ABTB2: variants seen among roughly 807,000 people sequenced by gnomAD.
ABTB2 encodes ankyrin repeat and BTB domain containing 2.
A neutral mutation model predicts 104.1 loss-of-function variants in ABTB2; 56 were observed. The ratio of observed to expected loss-of-function variants is 0.54; its 90% CI spans 0.43 to 0.67. ABTB2 has a LOEUF of 0.67. ABTB2 is among the 30% of genes least tolerant of loss of function. ABTB2 has a pLI of 0.00. For synonymous variants in ABTB2, 606 were observed against 608.2 expected, an observed-to-expected ratio of 1.00 and a Z score of 0.05; for missense variants, 1,279 against 1,407.7, an observed-to-expected ratio of 0.91 and a Z score of 1.46.
At chr11:34,354,271 A>T (rs1217685772) in intron 1 of ABTB2, among the ~76,000 whole-genome samples, 1 of 151,992 alleles carries the variant, frequency 6.6e-6, no homozygotes, top group Non-Finnish European at 1.5e-5. Flanking sequence ...TCTCTTGACT[A>T]CCCAGGATTA....
chr11:34,290,610 G>T (rs1332468677), intron 1 of ABTB2, among the ~76,000 whole-genome samples: 1 of 152,216 alleles, frequency 6.6e-6, no homozygotes, highest in Non-Finnish European at 1.5e-5. Context: ...AGGAAGCTGA[G>T]GTGGGAGGAT....
At chr11:34,261,139 A>C (rs940235359) in intron 1 of ABTB2, among the ~76,000 whole-genome samples, 22 of 151,852 alleles carry the variant, frequency 1.4e-4, no homozygotes, top group African/African-American at 4.1e-4. Flanking sequence ...TGCCCCCCCC[A>C]AAAAAAGACA....
chr11:34,167,592 G>A (rs1381743595), intron 6 of ABTB2, among the ~76,000 whole-genome samples: 2 of 152,214 alleles, frequency 1.3e-5, no homozygotes, highest in East Asian at 1.9e-4. Context: ...GGGAGGCAGA[G>A]CTAGAAGTAT....
intron 1 of ABTB2, among the ~76,000 whole-genome samples, chr11:34,205,648 C>T (rs758130305): frequency 6.6e-6 from 1 of 151,568 alleles, no homozygotes; most frequent in Non-Finnish European, 1.5e-5. Context: ...GGAATTTAAT[C>T]ACTTTGGAGA....
chr11:34,228,412 C>T (rs1349009951), intron 1 of ABTB2, among the ~76,000 whole-genome samples: 2 of 151,188 alleles, frequency 1.3e-5, no homozygotes, highest in African/African-American at 2.4e-5. Flanking sequence ...GTTGCCCAGG[C>T]TGGAGTGCAG....
chr11:34,262,684 A>G (rs762369287), intron 1 of ABTB2, among the ~76,000 whole-genome samples: 2 of 152,154 alleles, frequency 1.3e-5, no homozygotes, highest in Non-Finnish European at 2.9e-5. Context: ...CTTTGTTTAG[A>G]GCATTGTCCT....
intron 1 of ABTB2, among the ~76,000 whole-genome samples, chr11:34,222,358 C>T (rs1477634482): frequency 1.3e-5 from 2 of 152,142 alleles, no homozygotes; most frequent in African/African-American, 4.8e-5. Flanking sequence ...GCATGTCCAA[C>T]CCCACTTCCA....
intron 1 of ABTB2, among the ~76,000 whole-genome samples, chr11:34,259,281 G>A (rs967951995): frequency 2.0e-5 from 3 of 152,204 alleles, no homozygotes; most frequent in African/African-American, 7.2e-5. Flanking sequence ...AAGTCTGAAC[G>A]AGGCCTGGCA....
At chr11:34,287,492 T>C (rs1479978278) in intron 1 of ABTB2, among the ~76,000 whole-genome samples, 1 of 152,176 alleles carries the variant, frequency 6.6e-6, no homozygotes. Context: ...GAGGCTGTAG[T>C]GAGCTAAGAG....
chr11:34,240,304 C>T (rs1047084059), intron 1 of ABTB2, among the ~76,000 whole-genome samples: 1 of 152,180 alleles, frequency 6.6e-6, no homozygotes, highest in South Asian at 2.1e-4. Flanking sequence ...TGAAGCCAAG[C>T]GGCCAGCAGG....
chr11:34,286,171 T>C (rs971654776), intron 1 of ABTB2, among the ~76,000 whole-genome samples: 1 of 150,832 alleles, frequency 6.6e-6, no homozygotes, highest in Non-Finnish European at 1.5e-5. Flanking sequence ...TAAAGAAAAA[T>C]TTTAGGCTGG....
chr11:34,227,459 T>C (rs906528322), intron 1 of ABTB2, among the ~76,000 whole-genome samples: 3 of 152,194 alleles, frequency 2.0e-5, no homozygotes, highest in African/African-American at 4.8e-5. Flanking sequence ...GTCTGGCTTC[T>C]TTTATGTGGC....
intron 1 of ABTB2, among the ~76,000 whole-genome samples, chr11:34,218,861 A>G (rs1853580530): frequency 6.6e-6 from 1 of 151,472 alleles, no homozygotes; most frequent in African/African-American, 2.4e-5. Context: ...AAAAAAAAAA[A>G]AAAAAAAAAA....
intron 1 of ABTB2, among the ~76,000 whole-genome samples, chr11:34,336,856 A>C (rs1437383944): frequency 6.6e-6 from 1 of 151,916 alleles, no homozygotes; most frequent in East Asian, 1.9e-4. Context: ...CATACGGGAG[A>C]CTCACACACC....
At chr11:34,300,382 G>C (rs1590247256) in intron 1 of ABTB2, among the ~76,000 whole-genome samples, 1 of 152,188 alleles carries the variant, frequency 6.6e-6, no homozygotes, top group East Asian at 1.9e-4. Context: ...TTGTTAGGCT[G>C]GCTGCTCCAC....
At chr11:34,328,282 G>T (rs928751335) in intron 1 of ABTB2, among the ~76,000 whole-genome samples, 13 of 152,182 alleles carry the variant, frequency 8.5e-5, no homozygotes, top group African/African-American at 3.1e-4. Flanking sequence ...TATCAAGGGA[G>T]TACTTGCTTT....
rs116626989 is a variant in ABTB2, at chr11:34,289,877, C to A, written c.883+66824G>T. 3.4e-3 allele frequency among the ~76,000 whole-genome samples: 518 copies of A among 152,304 alleles called. 3 individuals are homozygous for A. Among genetic ancestry groups the A allele is most frequent in the African/African-American group, 0.011 (468 of 41,566 alleles). On this transcript the variant is annotated intron_variant, in intron 1 of 16. Transcript: ENST00000435224. ...TCCCAGAAACAACCAGCTCCTGGGA[C>A]TAATCAGATGTGTGTTGGTTGACCC...
intron 1 of ABTB2, among the ~76,000 whole-genome samples, chr11:34,253,638 T>C (rs893053907): frequency 6.6e-6 from 1 of 150,484 alleles, no homozygotes. Flanking sequence ...AACGTGCCAC[T>C]GCACTCCAGT....
chr11:34,255,737 G>A (rs1854113940), intron 1 of ABTB2, among the ~76,000 whole-genome samples: 2 of 152,172 alleles, frequency 1.3e-5, no homozygotes, highest in Admixed American at 6.5e-5. Context: ...GGCTGGTCTT[G>A]AACTGCTGAG....
Sources: gnomAD v4.1 joint callset for allele counts (sites outside exome capture counted in the v4.1 genomes callset) on GRCh38, gnomAD v4.1.1 for gene constraint, MANE v1.5 for transcripts, NCBI Gene and HGNC (gene_info 2026-07-23, HGNC 2026-07-21) for gene names.